Variants in FBXW12 observed in about 807,000 individuals in gnomAD.
FBXW12 encodes the protein F-box and WD repeat domain containing 12, also known as F-box/WD repeat-containing protein 12.
A neutral mutation model predicts 55.3 loss-of-function variants in FBXW12; 43 were observed. The ratio of observed to expected loss-of-function variants is 0.78; its 90% confidence interval spans 0.61 to 1.00. FBXW12 has a LOEUF of 1.00. Among genes scored for constraint, FBXW12 ranks in the 50% least tolerant of loss-of-function variants. The pLI is 0.00. For missense variants in FBXW12, 524 were observed against 560.5 expected (o/e 0.93, Z 0.66); for synonymous variants, 184 against 203.8 (o/e 0.90, Z 0.83).
intron 10 of FBXW12, among the ~76,000 whole-genome samples, chr3:48,390,034 CT>C (rs1560034828): frequency 6.6e-6 from 1 of 152,124 alleles, no homozygotes; most frequent in Non-Finnish European, 1.5e-5. Flanking sequence ...TTTCTGGGTT[CT>C]CTATTCTGTT....
chr3:48,394,628 G>C lies in FBXW12; in HGVS notation c.1364G>C (p.Ser455Thr), dbSNP rs779679318. 1.2e-6 allele frequency: 2 copies of C among 1,602,938 alleles called. No individual in the cohort carries two copies. The highest frequency in any genetic ancestry group is 2.2e-5 in the South Asian group (2 of 90,016). ...AGGGTGAGGAAAGTAAGTGACTCCA[G>C]CATTCTGGTGATGTATTCTTTGAAT... ...VLRVRKVSDS[S>T]ILVMYSLNT is the part of the protein sequence containing the mutation. Residue 455 changes from serine to threonine, a missense_variant, in exon 11 of 11, where the codon AGC becomes ACC. Transcript: ENST00000296438.
intron 10 of FBXW12, among the ~76,000 whole-genome samples, chr3:48,392,405 T>C (rs1007282375): frequency 5.2e-5 from 7 of 135,552 alleles, no homozygotes; most frequent in African/African-American, 2.0e-4. Context: ...GAGCTGAGAT[T>C]GTGCCACTGC....
At chr3:48,382,396 G>C (rs192968718) in intron 10 of FBXW12, among the ~76,000 whole-genome samples, 1 of 152,046 alleles carries the variant, frequency 6.6e-6, no homozygotes, top group African/African-American at 2.4e-5. Context: ...TTACAGGCGT[G>C]AGCCACCGCA....
At chr3:48,376,673 C>G (rs369468377) in intron 5 of FBXW12, among the ~76,000 whole-genome samples, 19 of 152,152 alleles carry the variant, frequency 1.2e-4, no homozygotes, top group African/African-American at 4.6e-4. Context: ...AAAACTTTTA[C>G]AGGCAGGAAG....
Position 48,378,538 on chromosome 3 carries a change from C to T in FBXW12, c.615+12C>T. ...GCCCATTCCTGATGGTAAGTGAGCCCTGAATTTAGAGGGGACCAAAAAATC... is the reference window on the plus strand; with the variant it reads ...GCCCATTCCTGATGGTAAGTGAGCCTTGAATTTAGAGGGGACCAAAAAATC... On this transcript the variant is annotated intron_variant, in intron 6 of 10. Coordinates refer to ENST00000296438, the MANE Select transcript of FBXW12 (RefSeq NM_207102.2). The T allele has an allele frequency of 6.2e-7, 1 of 1,612,012 alleles. No individual in the cohort carries two copies. The highest frequency in any genetic ancestry group is 8.5e-7 in the Non-Finnish European group (1 of 1,178,972).
intron 4 of FBXW12, 54 bp downstream of exon 4, chr3:48,373,759 C>G (rs761839095): frequency 1.1e-4 from 166 of 1,517,490 alleles, no homozygotes; most frequent in Middle Eastern, 3.4e-4. Context: ...CAGAGGTCCA[C>G]TCTATTTGAT....
At chr3:48,393,587 G>A (rs566754122) in intron 10 of FBXW12, among the ~76,000 whole-genome samples, 2 of 152,226 alleles carry the variant, frequency 1.3e-5, no homozygotes, top group South Asian at 4.1e-4. Context: ...TTCAATTGGA[G>A]TAGAGCAGGT....
chr3:48,391,398 T>C (rs1183089130), intron 10 of FBXW12, among the ~76,000 whole-genome samples: 1 of 151,558 alleles, frequency 6.6e-6, no homozygotes, highest in Admixed American at 6.6e-5. Context: ...TGTCCACAAA[T>C]AGATAGTTTT....
At chr3:48,379,775 A>G (rs1030814684) in intron 7 of FBXW12, 27 of 498,668 alleles carry the variant, frequency 5.4e-5, no homozygotes, top group Middle Eastern at 5.2e-4. Context: ...CTCGTTCATG[A>G]AGCCCGAATT....
At chr3:48,390,813 T>C (rs2036914448) in intron 10 of FBXW12, among the ~76,000 whole-genome samples, 1 of 152,166 alleles carries the variant, frequency 6.6e-6, no homozygotes. Context: ...GGGGTGCTGT[T>C]GTAAATGAGG....
At chr3:48,392,249 G>A (rs938738845) in intron 10 of FBXW12, among the ~76,000 whole-genome samples, 7 of 152,164 alleles carry the variant, frequency 4.6e-5, no homozygotes, top group African/African-American at 1.7e-4. Flanking sequence ...TCAGGAGATC[G>A]AAACCATCCT....
At chr3:48,380,952 C>T (rs1425287613) in intron 8 of FBXW12, 40 bp downstream of exon 8, 9 of 1,521,254 alleles carry the variant, frequency 5.9e-6, no homozygotes, top group Non-Finnish European at 8.2e-6. Context: ...TTCTCTTCCT[C>T]ATCACACAGT....
At chr3:48,375,056 C>G (rs1412199050) in intron 4 of FBXW12, among the ~76,000 whole-genome samples, 1 of 152,102 alleles carries the variant, frequency 6.6e-6, no homozygotes, top group Non-Finnish European at 1.5e-5. Flanking sequence ...AACCACTGTG[C>G]CTGGACTTGA....
At chr3:48,387,607 G>A (rs900796740) in intron 10 of FBXW12, among the ~76,000 whole-genome samples, 2 of 152,052 alleles carry the variant, frequency 1.3e-5, no homozygotes, top group African/African-American at 4.8e-5. Flanking sequence ...GTGCAATGGG[G>A]TGTTATGTCA....
Position 48,382,058 on chromosome 3 carries a change from AC to A in FBXW12, c.1269del (p.Asn423LysfsTer15), listed in dbSNP as rs763882652. The A allele has an allele frequency of 1.2e-6, 2 of 1,614,090 alleles. No individual in the cohort carries two copies. Among genetic ancestry groups the A allele is most frequent in the East Asian group, 4.5e-5 (2 of 44,886 alleles). On this transcript the variant is annotated frameshift_variant, in exon 10 of 11. Transcript: ENST00000296438. LOFTEE classifies it low-confidence loss of function (END_TRUNC). ...PYLRSCCHLENTWHDHTTDSC... is the reference protein window; with the variant it reads ...PYLRSCCHLEXTWHDHTTDSC... ...CTCAGGAGCTGCTGTCACCTGGAAA[AC>A]ACGTGGCATGATCACACAACAGACA...
At chr3:48,392,380 G>A (rs1035672703) in intron 10 of FBXW12, among the ~76,000 whole-genome samples, 1 of 148,034 alleles carries the variant, frequency 6.8e-6, no homozygotes, top group African/African-American at 2.5e-5. Flanking sequence ...GAACCCAGGA[G>A]ATGGAGCTTG....
Position 48,386,178 on chromosome 3 carries a change from T to G in FBXW12, c.1295+4093T>G, listed in dbSNP as rs182810035. On this transcript the variant is annotated intron_variant, in intron 10 of 10. Transcript: ENST00000296438. ...TCCATTTTGAGTTTTGTATGTGATG[T>G]GAGAAAAAGTCCCAACTTTTTTTCT... Among the ~76,000 whole-genome samples the G allele has an allele frequency of 5.3e-3, 807 of 152,340 alleles. 5 individuals carry two copies. Among genetic ancestry groups the G allele is most frequent in the African/African-American group, 0.019 (772 of 41,578 alleles).
chr3:48,378,505 A>G lies in FBXW12; in HGVS notation c.594A>G (p.Thr198=). 3.1e-6 allele frequency: 5 copies of G among 1,613,986 alleles called. No homozygotes were observed. Among genetic ancestry groups the G allele is most frequent in the Non-Finnish European group, 4.2e-6 (5 of 1,180,010 alleles). The change falls in exon 6 of 11, where the codon ACA becomes ACG. Residue 198 remains threonine, a synonymous_variant. Transcript: ENST00000296438. ...GTTATTGCATGGAAGCCTATCTTAC[A>G]AAGGATGGCCCATTCCTGATGGTAA... ...QPCYCMEAYL[T]KDGPFLMVGD...
At chr3:48,375,323 T>G in intron 4 of FBXW12, 31 bp from the exon 5 acceptor site, 1 of 1,296,910 alleles carries the variant, frequency 7.7e-7, no homozygotes, top group Non-Finnish European at 1.1e-6. Context: ...CTTAACTATC[T>G]GGTGGCCAAG....
Sources: allele counts gnomAD v4.1 joint callset (sites outside exome capture counted in the v4.1 genomes callset), GRCh38; gene constraint gnomAD v4.1.1; transcripts MANE v1.5; gene names NCBI Gene and HGNC (gene_info 2026-07-23, HGNC 2026-07-21).